Variants in RPTOR observed in about 807,000 individuals in gnomAD.
RPTOR encodes regulatory-associated protein of mTOR.
A neutral mutation model predicts 169.9 loss-of-function variants in RPTOR; 21 were observed. The ratio of observed to expected loss-of-function variants is 0.12; its 90% CI spans 0.09 to 0.18. The LOEUF (loss-of-function observed/expected upper bound fraction) is 0.18, where lower values mean the gene tolerates loss of function less well. RPTOR is among the 10% of genes least tolerant of loss of function. The probability of loss-of-function intolerance (pLI) is 1.00; values close to 1 mark genes in which losing one functional copy is unlikely to be tolerated. For missense variants in RPTOR, 1,133 were observed against 1,855.9 expected (o/e 0.61, Z 7.16); for synonymous variants, 732 against 753.2 (o/e 0.97, Z 0.46).
intron 24 of RPTOR, among the ~76,000 whole-genome samples, chr17:80,929,852 T>C (rs2068853871): frequency 6.6e-6 from 1 of 152,192 alleles, no homozygotes. Flanking sequence ...TCATAGATTC[T>C]CCCACAAAAA....
At chr17:80,854,462 A>G (rs1228516642) in intron 11 of RPTOR, among the ~76,000 whole-genome samples, 2 of 152,272 alleles carry the variant, frequency 1.3e-5, no homozygotes, top group East Asian at 3.8e-4. Flanking sequence ...GAGTGGGTTC[A>G]GCCTCAGGGT....
chr17:80,869,927 A>T (rs2068034067), intron 13 of RPTOR, among the ~76,000 whole-genome samples: 1 of 152,202 alleles, frequency 6.6e-6, no homozygotes, highest in Admixed American at 6.5e-5. Flanking sequence ...GAGAAAGTCC[A>T]GGAGATGTGG....
rs146927622 is a variant in RPTOR at position 80,620,829 on chromosome 17, G to A, written c.163-4862G>A. Among the ~76,000 whole-genome samples, 451 of 152,304 alleles carry A rather than the reference G, an allele frequency of 3.0e-3. 2 individuals are homozygous for A. Among genetic ancestry groups the A allele is most frequent in the African/African-American group, 1.0e-2 (414 of 41,550 alleles). ...GCTCACAGTGTTAAAATCTGCAGAG[G>A]AGCAAGACGTATTTTTTTTGGCTTA... On this transcript the variant is annotated intron_variant, in intron 1 of 33. Transcript: ENST00000306801.
Position 80,721,948 on chromosome 17 carries a change from G to A in RPTOR, c.508-8612G>A, listed in dbSNP as rs908379406. Among the ~76,000 whole-genome samples, 5 of 150,996 alleles carry A rather than the reference G, an allele frequency of 3.3e-5. No homozygotes were observed. The highest frequency in any genetic ancestry group is 3.3e-4 in the Admixed American group (5 of 15,222). ...ATTCCTTGTGGATTGTGCTGCTGAT[G>A]GGAACTTCCTTTGACTTCACAAATA... On this transcript the variant is annotated intron_variant, in intron 4 of 33. Transcript: ENST00000306801. The surrounding 1 kb of genome is among the most constrained non-coding windows in gnomAD (Gnocchi z 4.7).
chr17:80,803,913 A>G lies in RPTOR; in HGVS notation c.890+12404A>G, dbSNP rs973377637. Among the ~76,000 whole-genome samples the G allele has an allele frequency of 1.3e-5, 2 of 152,214 alleles. No homozygotes were observed. Among genetic ancestry groups the G allele is most frequent in the Admixed American group, 1.3e-4 (2 of 15,286 alleles). ...AGACGGGAGCAGCCATGCCGGGACC[A>G]GGGGCAGCGTTCCAGACGGGGAGCC... is the stretch of plus-strand genomic sequence containing the variant. On this transcript the variant is annotated intron_variant, in intron 7 of 33. Transcript: ENST00000306801. The surrounding 1 kb of genome is among the most constrained non-coding windows in gnomAD (Gnocchi z 6.2).
intron 1 of RPTOR, among the ~76,000 whole-genome samples, chr17:80,611,078 A>G (rs1291211133): frequency 1.3e-5 from 2 of 152,140 alleles, no homozygotes; most frequent in Non-Finnish European, 2.9e-5. Flanking sequence ...TCCAATGCAG[A>G]TTGCCTCCAA....
At chr17:80,586,495 A>C (rs1174285628) in intron 1 of RPTOR, among the ~76,000 whole-genome samples, 4 of 152,200 alleles carry the variant, frequency 2.6e-5, no homozygotes, top group African/African-American at 9.6e-5. Flanking sequence ...CAAAGAATTA[A>C]AAGGAAAAAA....
intron 1 of RPTOR, among the ~76,000 whole-genome samples, chr17:80,553,541 T>C (rs747850555): frequency 3.3e-5 from 5 of 152,196 alleles, no homozygotes; most frequent in African/African-American, 9.7e-5. Flanking sequence ...GTGAGATCCA[T>C]AGTGATATTA....
chr17:80,579,384 GTTTCTCC>G (rs902943516), intron 1 of RPTOR, among the ~76,000 whole-genome samples: 58 of 152,298 alleles, frequency 3.8e-4, no homozygotes, highest in Admixed American at 7.2e-4. Flanking sequence ...TAGAGGCAGG[GTTTCTCC>G]ATGTTGGTCA....
intron 3 of RPTOR, among the ~76,000 whole-genome samples, chr17:80,698,801 G>C (rs1226196250): frequency 1.3e-5 from 2 of 152,306 alleles, no homozygotes; most frequent in Admixed American, 6.5e-5. Flanking sequence ...CTTCTGTCTT[G>C]CTCATGGAAG....
intron 7 of RPTOR, among the ~76,000 whole-genome samples, chr17:80,796,065 G>A (rs1044932932): frequency 9.9e-5 from 15 of 152,216 alleles, no homozygotes; most frequent in African/African-American, 3.4e-4. Context: ...CGCCAGAGAG[G>A]CCGTGCTCTC....
chr17:80,766,328 C>T (rs969652012), intron 6 of RPTOR, among the ~76,000 whole-genome samples: 1 of 152,366 alleles, frequency 6.6e-6, no homozygotes, highest in African/African-American at 2.4e-5. Context: ...GCTGGAATTA[C>T]AAGCATGAGG....
At chr17:80,941,020 TGTC>T (rs1737082046) in intron 25 of RPTOR, among the ~76,000 whole-genome samples, 1 of 152,178 alleles carries the variant, frequency 6.6e-6, no homozygotes, top group African/African-American at 2.4e-5. Flanking sequence ...CCCGGACAGG[TGTC>T]GTTGCGCCAG....
At chr17:80,556,901 C>T (rs1215626043) in intron 1 of RPTOR, among the ~76,000 whole-genome samples, 3 of 152,160 alleles carry the variant, frequency 2.0e-5, no homozygotes, top group Non-Finnish European at 4.4e-5. Flanking sequence ...CGAGACCAGC[C>T]TGCCCAACAT....
At chr17:80,623,036 G>A (rs556857342) in intron 1 of RPTOR, among the ~76,000 whole-genome samples, 8 of 152,188 alleles carry the variant, frequency 5.3e-5, no homozygotes, top group South Asian at 2.1e-4. Flanking sequence ...ATCTTATCTC[G>A]ATGTGATAAA....
chr17:80,720,672 C>T (rs188467565), intron 4 of RPTOR, among the ~76,000 whole-genome samples: 190 of 152,322 alleles, frequency 1.2e-3, no homozygotes, highest in African/African-American at 4.4e-3. Flanking sequence ...TCGCGGGTGC[C>T]CTGCATTTAA....
At chr17:80,743,767 T>TACTAGCACAGC (rs1567887258) in intron 5 of RPTOR, among the ~76,000 whole-genome samples, 1 of 84,670 alleles carries the variant, frequency 1.2e-5, no homozygotes, top group African/African-American at 5.6e-5. Context: ...ACTAGCACTC[T>TACTAGCACAGC]CCTGGTTACT....
intron 24 of RPTOR, among the ~76,000 whole-genome samples, chr17:80,931,756 C>A (rs1019816097): frequency 1.3e-5 from 2 of 152,188 alleles, no homozygotes; most frequent in African/African-American, 4.8e-5. Context: ...ACCCTGAGAC[C>A]CAGAGACACA....
chr17:80,601,553 G>GTTTTTTTTTT (rs1414581021), intron 1 of RPTOR, among the ~76,000 whole-genome samples: 2 of 8,652 alleles, frequency 2.3e-4, no homozygotes, highest in Admixed American at 1.5e-3. Flanking sequence ...AGATGGTTCA[G>GTTTTTTTTTT]TCTTTTTTTT....
Sources: allele counts gnomAD v4.1 joint callset (sites outside exome capture counted in the v4.1 genomes callset), GRCh38; gene constraint gnomAD v4.1.1; non-coding constraint Gnocchi (gnomAD v3.1); transcripts MANE v1.5; gene names NCBI Gene and HGNC (gene_info 2026-07-23, HGNC 2026-07-21).